The following CYB5R4 variants were observed in gnomAD, a reference collection of about 807,000 sequenced individuals.
CYB5R4 encodes the protein cytochrome b5 reductase 4, also known as N-terminal cytochrome b5 and cytochrome b5 oxidoreductase domain-containing protein.
CYB5R4 carries 55 observed loss-of-function variants against 70.2 expected under a neutral mutation model. The observed-to-expected ratio is 0.78, with a 90% CI of 0.63 to 0.98. CYB5R4 has a LOEUF of 0.98. Among genes scored for constraint, CYB5R4 ranks in the 50% least tolerant of loss-of-function variants. CYB5R4 has a pLI of 0.00. For synonymous variants in CYB5R4, 197 were observed against 199.5 expected (o/e 0.99, Z 0.11); for missense variants, 562 against 612.6 (o/e 0.92, Z 0.87).
chr6:83,869,104 T>TGAA (rs2099457180), intron 2 of CYB5R4, among the ~76,000 whole-genome samples: 1 of 152,242 alleles, frequency 6.6e-6, no homozygotes, highest in Non-Finnish European at 1.5e-5. Flanking sequence ...ACTAGTAAAT[T>TGAA]GAAGAGGCCT....
intron 2 of CYB5R4, among the ~76,000 whole-genome samples, chr6:83,884,076 A>T (rs1218844183): frequency 2.6e-5 from 4 of 151,670 alleles, no homozygotes; most frequent in African/African-American, 9.7e-5. Context: ...GCTGGGAGGG[A>T]GATTAGTAAA....
At position 83,919,439 on chromosome 6, in the gene CYB5R4, A is replaced by G. The variant is rs1386300386; in HGVS notation, c.549A>G (p.Ile183Met). 2 of 1,513,450 alleles carry G rather than the reference A, an allele frequency of 1.3e-6. No individual in the cohort carries two copies. Among genetic ancestry groups the G allele is most frequent in the Non-Finnish European group, 1.8e-6 (2 of 1,109,492 alleles). 93.8% of individuals were successfully genotyped at this position (1,513,450 alleles called of 1,614,324 possible). The change falls in exon 7 of 16, where the codon ATA (isoleucine) becomes ATG (methionine). Residue 183 changes from isoleucine (I) to methionine (M), a missense_variant. Physicochemically the swap from Ile to Met is conservative, Grantham distance 10 (BLOSUM62 1). Transcript: ENST00000369681. The stretch of plus-strand genomic sequence containing the variant: ...CAGACTCTTTAGTCACCATTGCCAT[A>G]TATACTAAACAGAAGGTAAATATGT... ...FQTDSLVTIA[I>M]YTKQKDINLD...
chr6:83,863,747 A>G (rs952504566), intron 1 of CYB5R4, among the ~76,000 whole-genome samples: 2 of 152,248 alleles, frequency 1.3e-5, no homozygotes, highest in Admixed American at 1.3e-4. Flanking sequence ...ATAAAAAAAT[A>G]AGAATTATAA....
intron 2 of CYB5R4, among the ~76,000 whole-genome samples, chr6:83,881,476 C>T (rs928357062): frequency 2.0e-5 from 3 of 152,224 alleles, no homozygotes; most frequent in African/African-American, 7.2e-5. Context: ...AACACCCAGC[C>T]TCATACTGCT....
rs754346231 is a variant in CYB5R4 at position 83,918,035 on chromosome 6, C to T, written c.476C>T (p.Thr159Ile). 5 of 1,611,204 alleles carry T rather than the reference C, an allele frequency of 3.1e-6. No homozygotes were observed. In the South Asian group the frequency reaches 5.5e-5, roughly 18 times the overall value. ...GMLPKSQVTD[T>I]LAKEGPSYPS... is the part of the protein sequence containing the mutation. Reference sequence around the variant, plus strand: ...CTTCCCAAGAGCCAAGTGACAGATACACTTGCCAAAGAAGGTCCTAGTTAT... The same window carrying T: ...CTTCCCAAGAGCCAAGTGACAGATATACTTGCCAAAGAAGGTCCTAGTTAT... The change falls in exon 6 of 16, where the codon ACA becomes ATA. Residue 159 changes from threonine to isoleucine, a missense_variant. Transcript: ENST00000369681.
In CYB5R4 at chr6:83,966,318, G is replaced by A. The variant is rs962159727; in HGVS notation, c.*6440G>A. On this transcript the variant is annotated 3_prime_UTR_variant, in exon 16 of 16. Transcript: ENST00000369681. The stretch of plus-strand genomic sequence containing the variant: ...ATATAAAAATGTTTTTGGGTACTAA[G>A]ACTAAACTAGAAAGAACATAAGAGG... 2.6e-5 allele frequency: 4 copies of A among 152,012 alleles called. No homozygotes were observed. Among genetic ancestry groups the A allele is most frequent in the Non-Finnish European group, 5.9e-5 (4 of 68,012 alleles). 9.4% of individuals were successfully genotyped at this position (152,012 alleles called of 1,614,324 possible). A position where few individuals can be genotyped will look rare whatever the true frequency, so the allele number is the denominator to read the frequency against.
intron 2 of CYB5R4, among the ~76,000 whole-genome samples, chr6:83,872,638 G>T (rs945085378): frequency 6.6e-6 from 1 of 152,162 alleles, no homozygotes; most frequent in Admixed American, 6.5e-5. Flanking sequence ...TAAGTTCATA[G>T]CCTGAAGATG....
At chr6:83,937,290 A>T (rs1325550120) in intron 12 of CYB5R4, among the ~76,000 whole-genome samples, 1 of 152,084 alleles carries the variant, frequency 6.6e-6, no homozygotes, top group East Asian at 1.9e-4. Flanking sequence ...AAAATAATAA[A>T]AAATAAAAAT....
intron 2 of CYB5R4, among the ~76,000 whole-genome samples, chr6:83,886,233 A>G (rs1279311021): frequency 6.6e-6 from 1 of 152,092 alleles, no homozygotes; most frequent in East Asian, 1.9e-4. Flanking sequence ...TCCTACTCCC[A>G]TGAACCCACT....
chr6:83,877,223 T>C (rs1234281654), intron 2 of CYB5R4, among the ~76,000 whole-genome samples: 1 of 152,216 alleles, frequency 6.6e-6, no homozygotes, highest in African/African-American at 2.4e-5. Flanking sequence ...TTTAAAGATA[T>C]ATTGTCATTG....
At chr6:83,898,157 G>C (rs1004409605) in intron 3 of CYB5R4, among the ~76,000 whole-genome samples, 4 of 152,052 alleles carry the variant, frequency 2.6e-5, no homozygotes, top group Admixed American at 1.3e-4. Context: ...GTAAGGAAGG[G>C]GTCCAGTTTC....
chr6:83,878,013 C>T (rs571813543), intron 2 of CYB5R4, among the ~76,000 whole-genome samples: 1 of 152,198 alleles, frequency 6.6e-6, no homozygotes, highest in African/African-American at 2.4e-5. Context: ...CTCACTCTTT[C>T]CTCTTTTGTT....
intron 14 of CYB5R4, among the ~76,000 whole-genome samples, chr6:83,944,777 G>T (rs766339718): frequency 3.3e-5 from 5 of 151,882 alleles, no homozygotes; most frequent in Non-Finnish European, 7.4e-5. Context: ...AAAAAAGCAG[G>T]AGTTGCAATC....
At chr6:83,943,480 A>C (rs764081475) in intron 14 of CYB5R4, among the ~76,000 whole-genome samples, 7 of 152,184 alleles carry the variant, frequency 4.6e-5, no homozygotes, top group Admixed American at 6.5e-5. Context: ...AGCAAAGACC[A>C]AAGGTAGATA....
Position 83,960,804 on chromosome 6 carries a change from C to T in CYB5R4, c.*926C>T, listed in dbSNP as rs376930460. On this transcript the variant is annotated 3_prime_UTR_variant, in exon 16 of 16. Transcript: ENST00000369681. ...AACTGGTGGTTCAGCAGGAAGCCCT[C>T]TTAGGTTCTTGCATGTGGGCAACTT... 62 of 152,308 alleles carry T rather than the reference C, an allele frequency of 4.1e-4. No individual in the cohort carries two copies. The highest frequency in any genetic ancestry group is 1.5e-3 in the African/African-American group (61 of 41,552). 9.4% of individuals were successfully genotyped at this position (152,308 alleles called of 1,614,324 possible). A position where few individuals can be genotyped will look rare whatever the true frequency, so the allele number is the denominator to read the frequency against.
intron 2 of CYB5R4, 62 bp downstream of exon 2, chr6:83,864,390 C>A: frequency 1.4e-6 from 2 of 1,402,298 alleles, no homozygotes; most frequent in Admixed American, 2.1e-5. Flanking sequence ...TATGATGTTA[C>A]ATAACCTCAC....
intron 10 of CYB5R4, among the ~76,000 whole-genome samples, chr6:83,933,026 A>G (rs904022554): frequency 4.6e-5 from 7 of 152,236 alleles, no homozygotes; most frequent in Non-Finnish European, 8.8e-5. Context: ...AAATATTTAT[A>G]CATATATAGT....
chr6:83,936,241 C>T lies in CYB5R4; in HGVS notation c.973C>T (p.Pro325Ser). The change falls in exon 12 of 16, where the codon CCA (proline) becomes TCA (serine). Residue 325 changes from proline (P) to serine (S), a missense_variant. Transcript: ENST00000369681. The stretch of plus-strand genomic sequence containing the variant: ...TTTTCTAGGTACAGAAATAGTAAAG[C>T]CATATACACCTGTATCTGGTTCCTT... ...LPITGTEIVK[P>S]YTPVSGSLLS... 6.4e-7 allele frequency: 1 copy of T among 1,570,630 alleles called. No homozygotes were observed. The highest frequency in any genetic ancestry group is 8.6e-7 in the Non-Finnish European group (1 of 1,165,580).
At chr6:83,954,974 G>A (rs1444132830) in intron 14 of CYB5R4, among the ~76,000 whole-genome samples, 1 of 150,404 alleles carries the variant, frequency 6.6e-6, no homozygotes, top group Admixed American at 6.6e-5. Flanking sequence ...TCAAACTCCT[G>A]TTCTCAAACA....
Sources: gnomAD v4.1 joint callset for allele counts (sites outside exome capture counted in the v4.1 genomes callset) on GRCh38, gnomAD v4.1.1 for gene constraint, MANE v1.5 for transcripts, NCBI Gene and HGNC (gene_info 2026-07-23, HGNC 2026-07-21) for gene names.